Variants in P2RY14 observed in about 807,000 individuals in gnomAD.
P2RY14 encodes the protein P2Y purinoceptor 14.
P2RY14 carries 2 observed loss-of-function variants against 0.9 expected under a neutral mutation model. The observed-to-expected ratio is 2.16, with a 90% CI of 0.88 to 6.79. The LOEUF is 6.79. Ranked by LOEUF, P2RY14 falls within the 30% of genes most tolerant of loss-of-function variation. P2RY14 has a pLI of 0.05. For synonymous variants in P2RY14, 158 were observed against 147.2 expected, an observed-to-expected ratio of 1.07 and a Z score of -0.53; for missense variants, 378 against 400.1, an observed-to-expected ratio of 0.94 and a Z score of 0.47.
intron 1 of P2RY14, among the ~76,000 whole-genome samples, chr3:151,273,716 C>A (rs561963377): frequency 3.3e-5 from 5 of 152,100 alleles, no homozygotes; most frequent in African/African-American, 1.2e-4. Context: ...TCTAGAATGC[C>A]CACTTTTCAT....
chr3:151,264,777 A>AT lies in P2RY14; in HGVS notation c.-133+13509dup, dbSNP rs570601326. Among the ~76,000 whole-genome samples the AT allele has an allele frequency of 6.5e-3, 991 of 152,036 alleles. 8 individuals carry two copies. The highest frequency in any genetic ancestry group is 0.014 in the South Asian group (67 of 4,804). ...AGGCCCACCCAGTGCGTGTGTGTGT[A>AT]TGTGTGTGTGTGGTCTCATCACACT... On this transcript the variant is annotated intron_variant, in intron 1 of 2. Transcript: ENST00000309170.
intron 1 of P2RY14, among the ~76,000 whole-genome samples, chr3:151,227,258 A>G (rs1227962444): frequency 1.3e-5 from 2 of 152,346 alleles, no homozygotes; most frequent in African/African-American, 2.4e-5. Context: ...GCTGAATTGC[A>G]GATACCCAAG....
chr3:151,245,834 C>T (rs1219415664), intron 1 of P2RY14, among the ~76,000 whole-genome samples: 1 of 150,854 alleles, frequency 6.6e-6, no homozygotes, highest in Admixed American at 6.6e-5. Context: ...CAAATTGTCC[C>T]TGTTTGCAGA....
At chr3:151,250,818 T>C (rs1204065149) in intron 1 of P2RY14, among the ~76,000 whole-genome samples, 4 of 152,204 alleles carry the variant, frequency 2.6e-5, no homozygotes, top group African/African-American at 7.2e-5. Context: ...GGTAATCCTA[T>C]GTTAATTTTC....
intron 1 of P2RY14, among the ~76,000 whole-genome samples, chr3:151,245,141 A>C (rs1264115994): frequency 6.6e-6 from 1 of 152,260 alleles, no homozygotes; most frequent in Non-Finnish European, 1.5e-5. Flanking sequence ...CTTAGCAACC[A>C]AAAAGAGTCC....
At chr3:151,258,340 A>G (rs986502137) in intron 1 of P2RY14, among the ~76,000 whole-genome samples, 1 of 152,232 alleles carries the variant, frequency 6.6e-6, no homozygotes, top group Non-Finnish European at 1.5e-5. Context: ...TGCTGACAAA[A>G]TAATTTTTAG....
chr3:151,223,012 T>G (rs984983260), intron 1 of P2RY14, among the ~76,000 whole-genome samples: 5 of 152,136 alleles, frequency 3.3e-5, no homozygotes, highest in Non-Finnish European at 5.9e-5. Flanking sequence ...CATCTTATAT[T>G]TACTTAGAAT....
intron 1 of P2RY14, among the ~76,000 whole-genome samples, chr3:151,271,984 G>A (rs972841452): frequency 6.6e-6 from 1 of 152,178 alleles, no homozygotes; most frequent in African/African-American, 2.4e-5. Context: ...TTCATTTATT[G>A]TATGTGGTTT....
chr3:151,276,202 A>G (rs1037930915), intron 1 of P2RY14, among the ~76,000 whole-genome samples: 1 of 152,198 alleles, frequency 6.6e-6, no homozygotes, highest in African/African-American at 2.4e-5. Context: ...GTTAAAAGAG[A>G]TTGCTGGGCT....
At chr3:151,247,381 A>G (rs918192018) in intron 1 of P2RY14, among the ~76,000 whole-genome samples, 1 of 152,184 alleles carries the variant, frequency 6.6e-6, no homozygotes, top group African/African-American at 2.4e-5. Context: ...CAACAATGAT[A>G]GACTGGATTA....
chr3:151,246,065 G>A (rs1435653410), intron 1 of P2RY14, among the ~76,000 whole-genome samples: 5 of 151,730 alleles, frequency 3.3e-5, no homozygotes, highest in Non-Finnish European at 7.4e-5. Flanking sequence ...ACTTACAAGG[G>A]ATGTGAAGGA....
intron 1 of P2RY14, among the ~76,000 whole-genome samples, chr3:151,221,010 G>A (rs1729233220): frequency 6.6e-6 from 1 of 152,204 alleles, no homozygotes; most frequent in Non-Finnish European, 1.5e-5. Flanking sequence ...TAGTGATATG[G>A]ACGATAAAGT....
chr3:151,233,898 T>C (rs1156924696), intron 1 of P2RY14, among the ~76,000 whole-genome samples: 2 of 152,250 alleles, frequency 1.3e-5, no homozygotes, highest in East Asian at 3.8e-4. Flanking sequence ...CTAATGATTT[T>C]AGTCCATGTG....
intron 1 of P2RY14, among the ~76,000 whole-genome samples, chr3:151,247,615 G>GATT (rs1463927745): frequency 2.3e-4 from 24 of 104,372 alleles, no homozygotes; most frequent in Non-Finnish European, 4.7e-4. Context: ...ACTGTTGTGG[G>GATT]GTCGGGGAGG....
At chr3:151,256,505 T>A (rs529097827) in intron 1 of P2RY14, among the ~76,000 whole-genome samples, 1 of 152,316 alleles carries the variant, frequency 6.6e-6, no homozygotes, top group African/African-American at 2.4e-5. Flanking sequence ...TGAGGATGGC[T>A]CCATCTTTCT....
intron 2 of P2RY14, among the ~76,000 whole-genome samples, chr3:151,219,134 T>C (rs6767615): frequency 0.066 from 10,100 of 152,180 alleles, 1,010 homozygotes; most frequent in African/African-American, 0.22. Flanking sequence ...AGAATGTCAA[T>C]GCCAAAGATT....
At chr3:151,249,069 C>A (rs970681705) in intron 1 of P2RY14, 2 of 152,170 alleles carry the variant, frequency 1.3e-5, no homozygotes, top group African/African-American at 2.4e-5. Context: ...ATGTCAGGTA[C>A]TACAGATGTC....
rs1284491704 is a variant in P2RY14, at chr3:151,243,808, C to A, written c.-132-24166G>T. ...AAATGGACTAAATGCTCCAATTAAA[C>A]GACACAGACTGGCAAATTGGATAAA... On this transcript the variant is annotated intron_variant, in intron 1 of 2. Coordinates refer to ENST00000309170, the MANE Select transcript of P2RY14 (RefSeq NM_014879.4). Among the ~76,000 whole-genome samples, 1,212 of 149,752 alleles carry A rather than the reference C, an allele frequency of 8.1e-3. 11 individuals are homozygous for A. Among genetic ancestry groups the A allele is most frequent in the African/African-American group, 0.027 (1,103 of 40,248 alleles).
chr3:151,239,649 A>G (rs1315180794), intron 1 of P2RY14, among the ~76,000 whole-genome samples: 1 of 152,228 alleles, frequency 6.6e-6, no homozygotes, highest in Non-Finnish European at 1.5e-5. Context: ...ATAGGTATAC[A>G]CAAAAGCTCT....
Sources: allele counts gnomAD v4.1 joint callset (sites outside exome capture counted in the v4.1 genomes callset), GRCh38; gene constraint gnomAD v4.1.1; transcripts MANE v1.5; gene names NCBI Gene and HGNC (gene_info 2026-07-23, HGNC 2026-07-21).